Variants in SP100 observed in about 807,000 individuals in gnomAD.
SP100 encodes SP100 nuclear body protein, also known as nuclear autoantigen Sp-100.
Under a neutral mutation model 130.0 loss-of-function variants are expected in SP100, and 84 were observed. The ratio of observed to expected loss-of-function variants is 0.65; its 90% CI spans 0.54 to 0.77. The LOEUF is 0.77. Among genes scored for constraint, SP100 ranks in the 30% least tolerant of loss-of-function variants. The pLI is 0.00. For synonymous variants in SP100, 331 were observed against 351.7 expected (o/e 0.94, Z 0.66); for missense variants, 978 against 1,052.2 (o/e 0.93, Z 0.97).
intron 17 of SP100, among the ~76,000 whole-genome samples, chr2:230,482,823 G>A (rs942335028): frequency 2.0e-5 from 3 of 151,806 alleles, no homozygotes; most frequent in African/African-American, 7.3e-5. Context: ...TATCAGGTAG[G>A]GTAAGTTCTC....
intron 2 of SP100, among the ~76,000 whole-genome samples, chr2:230,436,974 GTA>G: frequency 7.1e-6 from 1 of 141,756 alleles, no homozygotes; most frequent in East Asian, 2.0e-4. Flanking sequence ...ATATATATGT[GTA>G]TACACACACA....
chr2:230,453,687 C>A (rs2064129013), intron 8 of SP100, among the ~76,000 whole-genome samples: 1 of 151,988 alleles, frequency 6.6e-6, no homozygotes, highest in Non-Finnish European at 1.5e-5. Flanking sequence ...GTTTAATGTG[C>A]TACTGAATTT....
chr2:230,540,151 C>T (rs1460312426), intron 25 of SP100, among the ~76,000 whole-genome samples: 1 of 152,180 alleles, frequency 6.6e-6, no homozygotes, highest in Non-Finnish European at 1.5e-5. Flanking sequence ...TGTATAGCCC[C>T]TATCTCTGCA....
Position 230,527,993 on chromosome 2 carries a change from C to A in SP100, c.2095-11274C>A, listed in dbSNP as rs944718432. On this transcript the variant is annotated intron_variant, in intron 24 of 28. Coordinates refer to ENST00000340126, the MANE Select transcript of SP100 (RefSeq NM_001080391.2). ...ACAATAAAAATGGGAGACTTTAACA[C>A]CCCACTGTCAATATTAGACATATCA... is the stretch of plus-strand genomic sequence containing the variant. Among the ~76,000 whole-genome samples, 5 of 152,128 alleles carry A rather than the reference C, an allele frequency of 3.3e-5. No individual in the cohort carries two copies. In the South Asian group the frequency reaches 1.0e-3, roughly 32 times the overall value.
chr2:230,540,607 T>C (rs1044892177), intron 25 of SP100, among the ~76,000 whole-genome samples: 1 of 152,222 alleles, frequency 6.6e-6, no homozygotes, highest in African/African-American at 2.4e-5. Context: ...GTGGCTCAGA[T>C]GGAAACCCTA....
chr2:230,444,809 G>A (rs2149907693), intron 4 of SP100, among the ~76,000 whole-genome samples: 1 of 152,282 alleles, frequency 6.6e-6, no homozygotes, highest in Non-Finnish European at 1.5e-5. Flanking sequence ...CAGCTTTCAG[G>A]ATGCCCTAAG....
At chr2:230,468,936 C>G in intron 13 of SP100, 107 bp from the exon 14 acceptor site, 1 of 617,112 alleles carries the variant, frequency 1.6e-6, no homozygotes, top group South Asian at 2.4e-5. Context: ...CAGAAATGAT[C>G]CTCATAGAAT....
At chr2:230,467,668 A>C (rs1446096949) in intron 13 of SP100, among the ~76,000 whole-genome samples, 1 of 152,192 alleles carries the variant, frequency 6.6e-6, no homozygotes, top group Non-Finnish European at 1.5e-5. Context: ...TCACAAGAAC[A>C]GCACAGGAAA....
rs59922142 is a variant in SP100, at chr2:230,440,624, A to G, written c.108-2313A>G. 38 of 1,314,750 alleles carry G rather than the reference A, an allele frequency of 2.9e-5. No homozygotes were observed. The East Asian group carries it at 1.1e-3, about 38-fold the overall frequency. 81.4% of individuals were successfully genotyped at this position (1,314,750 alleles called of 1,614,324 possible). A position where few individuals can be genotyped will look rare whatever the true frequency, so the allele number is the denominator to read the frequency against. On this transcript the variant is annotated intron_variant, in intron 2 of 28. Transcript: ENST00000340126. ...CTCAATGTTGTTGTCATCTCCCCCA[A>G]ATTTATCTGTAGCTTCAATTCAAAT...
chr2:230,436,541 C>G (rs1230660670), intron 2 of SP100, among the ~76,000 whole-genome samples: 1 of 152,134 alleles, frequency 6.6e-6, no homozygotes, highest in Admixed American at 6.5e-5. Flanking sequence ...GAAGAAGGTG[C>G]CTTGGTTCCC....
intron 3 of SP100, 112 bp from the exon 4 acceptor site, chr2:230,444,066 G>T: frequency 1.3e-6 from 1 of 780,052 alleles, no homozygotes; most frequent in Non-Finnish European, 2.0e-6. Context: ...AACCTCACAT[G>T]AAAATACCTA....
At chr2:230,481,973 ATACTTT>A (rs1397358154) in intron 17 of SP100, among the ~76,000 whole-genome samples, 1 of 152,060 alleles carries the variant, frequency 6.6e-6, no homozygotes, top group Non-Finnish European at 1.5e-5. Flanking sequence ...TTTAATTATT[ATACTTT>A]AAGTTTTAGG....
chr2:230,488,627 A>G (rs566457759), intron 17 of SP100, among the ~76,000 whole-genome samples: 1 of 152,306 alleles, frequency 6.6e-6, no homozygotes, highest in South Asian at 2.1e-4. Flanking sequence ...GTTAGCCAGG[A>G]CAGTCTCAAT....
At chr2:230,439,888 T>A (rs925841169) in intron 2 of SP100, among the ~76,000 whole-genome samples, 1 of 152,164 alleles carries the variant, frequency 6.6e-6, no homozygotes, top group African/African-American at 2.4e-5. Context: ...TCCCTTGTTT[T>A]ATCTCTCTAA....
intron 2 of SP100, among the ~76,000 whole-genome samples, chr2:230,425,518 T>C (rs1476038574): frequency 6.6e-6 from 1 of 152,254 alleles, no homozygotes; most frequent in Non-Finnish European, 1.5e-5. Flanking sequence ...AATGTTCATA[T>C]GATTTTTGTC....
At chr2:230,446,930 T>G (rs764979882) in intron 5 of SP100, 28 bp downstream of exon 5, 2 of 1,399,894 alleles carry the variant, frequency 1.4e-6, no homozygotes, top group Non-Finnish European at 2.0e-6. Context: ...AAAGCTTTTT[T>G]CTAAGAGAGG....
At chr2:230,422,926 T>C (rs758351910) in intron 2 of SP100, among the ~76,000 whole-genome samples, 2 of 152,218 alleles carry the variant, frequency 1.3e-5, no homozygotes, top group Non-Finnish European at 2.9e-5. Flanking sequence ...TGACCTACAA[T>C]TTTCATTTCT....
At chr2:230,508,736 G>T (rs565303746) in intron 23 of SP100, 2 of 152,048 alleles carry the variant, frequency 1.3e-5, no homozygotes, top group African/African-American at 4.8e-5. Flanking sequence ...TTTTTCACTG[G>T]TTTTTCTGGA....
chr2:230,519,574 A>G lies in SP100; in HGVS notation c.2094+8408A>G, dbSNP rs77773530. 1.1e-4 allele frequency among the ~76,000 whole-genome samples: 16 copies of G among 152,352 alleles called. No individual in the cohort carries two copies. The East Asian group carries it at 2.9e-3, about 28-fold the overall frequency. On this transcript the variant is annotated intron_variant, in intron 24 of 28. Transcript: ENST00000340126. ...CAAGTAGAAAGGAATAAATTCAGTTAAGGAAGAATATGAAGGCATAGGGGT... is the reference window on the plus strand; with the variant it reads ...CAAGTAGAAAGGAATAAATTCAGTTGAGGAAGAATATGAAGGCATAGGGGT...
Sources: gnomAD v4.1 joint callset for allele counts (sites outside exome capture counted in the v4.1 genomes callset) on GRCh38, gnomAD v4.1.1 for gene constraint, MANE v1.5 for transcripts, NCBI Gene and HGNC (gene_info 2026-07-23, HGNC 2026-07-21) for gene names.